DYM: variants seen among roughly 807,000 people sequenced by gnomAD.
The protein encoded by DYM is dymeclin, also known as dyggve-Melchior-Clausen syndrome protein.
A neutral mutation model predicts 93.1 loss-of-function variants in DYM; 78 were observed. That is an observed-to-expected ratio of 0.84 (90% CI 0.70 to 1.01). DYM has a LOEUF of 1.01. Ranked by LOEUF, DYM falls within the 50% of genes least tolerant of loss-of-function variation. DYM has a pLI of 0.00. For missense variants in DYM, 789 were observed against 845.0 expected (o/e 0.93, Z 0.82); for synonymous variants, 321 against 319.7 (o/e 1.00, Z -0.04).
At chr18:49,443,393 G>A (rs1002974511) in intron 1 of DYM, among the ~76,000 whole-genome samples, 2 of 152,064 alleles carry the variant, frequency 1.3e-5, no homozygotes, top group Non-Finnish European at 2.9e-5. Flanking sequence ...CAATGACACG[G>A]TTTACTCAAC....
intron 11 of DYM, among the ~76,000 whole-genome samples, chr18:49,262,163 G>A (rs750129289): frequency 6.6e-6 from 1 of 152,204 alleles, no homozygotes; most frequent in Non-Finnish European, 1.5e-5. Flanking sequence ...GACAGACACA[G>A]AGACAGACAC....
intron 17 of DYM, among the ~76,000 whole-genome samples, chr18:49,056,297 A>G (rs2075472190): frequency 6.6e-6 from 1 of 152,234 alleles, no homozygotes; most frequent in Admixed American, 6.5e-5. Context: ...GTAGAAAAGA[A>G]AGAGAATACT....
chr18:49,137,922 T>C (rs1245874876), intron 15 of DYM, among the ~76,000 whole-genome samples: 1 of 152,194 alleles, frequency 6.6e-6, no homozygotes, highest in Non-Finnish European at 1.5e-5. Flanking sequence ...ATAAAGCCAA[T>C]GATCAGTTAA....
At chr18:49,050,614 A>G (rs987229106) in intron 17 of DYM, among the ~76,000 whole-genome samples, 6 of 152,012 alleles carry the variant, frequency 3.9e-5, no homozygotes, top group African/African-American at 1.5e-4. Context: ...CCAGGAATGA[A>G]GCCTTCTGCT....
intron 14 of DYM, among the ~76,000 whole-genome samples, chr18:49,181,876 T>G (rs1568554830): frequency 6.6e-6 from 1 of 152,148 alleles, no homozygotes; most frequent in Non-Finnish European, 1.5e-5. Context: ...TTTTCTAGTT[T>G]CTTAAGGTGA....
chr18:49,313,127 G>A (rs1044877024), intron 8 of DYM, among the ~76,000 whole-genome samples: 6 of 152,088 alleles, frequency 3.9e-5, no homozygotes, highest in East Asian at 3.9e-4. Context: ...GGATGAGACC[G>A]GAGGTCAACA....
intron 17 of DYM, among the ~76,000 whole-genome samples, chr18:49,071,305 C>A (rs2076868933): frequency 6.6e-6 from 1 of 152,084 alleles, no homozygotes; most frequent in Admixed American, 6.5e-5. Context: ...CCTTCATTTC[C>A]AAAAATACTG....
intron 16 of DYM, among the ~76,000 whole-genome samples, chr18:49,109,289 C>T (rs186947345): frequency 1.4e-4 from 21 of 152,226 alleles, no homozygotes; most frequent in Admixed American, 5.2e-4. Flanking sequence ...TGTTGTTCCA[C>T]TATTATTTAT....
At chr18:49,358,635 C>T (rs1555707652) in intron 6 of DYM, among the ~76,000 whole-genome samples, 1 of 152,006 alleles carries the variant, frequency 6.6e-6, no homozygotes, top group Non-Finnish European at 1.5e-5. Context: ...TTAAACAGTC[C>T]TCAATGAGTT....
At chr18:49,046,469 CCACA>C (rs527877702) in intron 17 of DYM, among the ~76,000 whole-genome samples, 10 of 147,800 alleles carry the variant, frequency 6.8e-5, no homozygotes, top group South Asian at 4.4e-4. Flanking sequence ...GCAGACACAC[CCACA>C]CACACACAGA....
chr18:49,109,690 G>T (rs999423081), intron 16 of DYM, among the ~76,000 whole-genome samples: 5 of 152,214 alleles, frequency 3.3e-5, no homozygotes, highest in Admixed American at 6.5e-5. Flanking sequence ...ACAAGGGTCA[G>T]ACAACACCTG....
chr18:49,239,322 G>A (rs1440515998), intron 13 of DYM, among the ~76,000 whole-genome samples: 3 of 152,300 alleles, frequency 2.0e-5, no homozygotes, highest in Non-Finnish European at 4.4e-5. Flanking sequence ...TTGATCTTAA[G>A]AATGAAAGTA....
At position 49,264,373 on chromosome 18, in the gene DYM, G is replaced by C. The variant is rs943219597; in HGVS notation, c.1252-5880C>G. 3.9e-5 allele frequency among the ~76,000 whole-genome samples: 6 copies of C among 152,014 alleles called. No homozygotes were observed. The East Asian group carries it at 1.2e-3, about 29-fold the overall frequency. ...TCTGTATACAATTTGAGGAATTTGA[G>C]AGGACAAATTCCTCTCTAAAGTGGT... On this transcript the variant is annotated intron_variant, in intron 11 of 17. Transcript: ENST00000675505.
chr18:49,405,966 T>C (rs1374775821), intron 2 of DYM, among the ~76,000 whole-genome samples: 1 of 152,166 alleles, frequency 6.6e-6, no homozygotes, highest in Non-Finnish European at 1.5e-5. Context: ...TATTCCTAGG[T>C]ATTTTCTTTT....
In DYM at chr18:49,037,378, T is replaced by C. The variant is rs2070744475; in HGVS notation, c.*6677A>G. Among the ~76,000 whole-genome samples the C allele has an allele frequency of 6.6e-6, 1 of 152,116 alleles. No individual in the cohort carries two copies. Among genetic ancestry groups the C allele is most frequent in the Admixed American group, 6.6e-5 (1 of 15,266 alleles). ...ACATAAACATTTAAATATATATGTG[T>C]GTGTATATATATATATGAACAATAG... On this transcript the variant is annotated 3_prime_UTR_variant, in exon 18 of 18. Coordinates refer to ENST00000675505, the MANE Select transcript of DYM (RefSeq NM_001353214.3).
At chr18:49,149,614 G>A (rs2085575682) in intron 15 of DYM, among the ~76,000 whole-genome samples, 1 of 151,778 alleles carries the variant, frequency 6.6e-6, no homozygotes, top group South Asian at 2.1e-4. Flanking sequence ...ATTGTCACTG[G>A]GCAGAGGACA....
intron 17 of DYM, among the ~76,000 whole-genome samples, chr18:49,086,881 G>A (rs570497682): frequency 1.3e-5 from 2 of 152,014 alleles, no homozygotes; most frequent in East Asian, 3.9e-4. Context: ...CCAGCGACTC[G>A]GGAGACTGAG....
At chr18:49,114,017 C>A (rs1449413872) in intron 16 of DYM, among the ~76,000 whole-genome samples, 1 of 152,116 alleles carries the variant, frequency 6.6e-6, no homozygotes, top group East Asian at 1.9e-4. Context: ...TGATCTCAAG[C>A]CTACTATTTC....
At chr18:49,447,757 T>G (rs1342173320) in intron 1 of DYM, among the ~76,000 whole-genome samples, 2 of 152,180 alleles carry the variant, frequency 1.3e-5, no homozygotes, top group African/African-American at 4.8e-5. Flanking sequence ...TCTCTTATCC[T>G]CTCTGTATGA....
Sources: gnomAD v4.1 joint callset for allele counts (sites outside exome capture counted in the v4.1 genomes callset) on GRCh38, gnomAD v4.1.1 for gene constraint, MANE v1.5 for transcripts, NCBI Gene and HGNC (gene_info 2026-07-23, HGNC 2026-07-21) for gene names.